Variants in IER3IP1 observed in about 807,000 individuals in gnomAD.
IER3IP1 encodes the protein immediate early response 3 interacting protein 1.
Under a neutral mutation model 12.2 loss-of-function variants are expected in IER3IP1, and 16 were observed. The ratio of observed to expected loss-of-function variants is 1.31; its 90% CI spans 0.89 to 1.99. The LOEUF (loss-of-function observed/expected upper bound fraction) is 1.99, where lower values mean the gene tolerates loss of function less well. IER3IP1 is among the 30% of genes most tolerant of loss of function. The pLI is 0.00. For missense variants in IER3IP1, 95 were observed against 95.8 expected (o/e 0.99, Z 0.03); for synonymous variants, 42 against 40.0 (o/e 1.05, Z -0.19).
At chr18:47,169,090 C>T (rs748621481) in intron 1 of IER3IP1, among the ~76,000 whole-genome samples, 18 of 152,202 alleles carry the variant, frequency 1.2e-4, no homozygotes, top group Admixed American at 3.3e-4. Context: ...CTCAGGCCCT[C>T]CAGCACCAAG....
rs74679561 is a variant in IER3IP1, at chr18:47,173,217, T to A, written c.91+2970A>T. Among the ~76,000 whole-genome samples the A allele has an allele frequency of 4.3e-3, 654 of 152,272 alleles. 15 individuals carry two copies. In the East Asian group the frequency reaches 0.054, roughly 12 times the overall value. On this transcript the variant is annotated intron_variant, in intron 1 of 2. Transcript: ENST00000256433. ...CTTACCTAGCACCATCACCCCAAAT[T>A]TTCCTCCAATACTGTTTAACTCAGT...
intron 1 of IER3IP1, among the ~76,000 whole-genome samples, chr18:47,162,928 T>C (rs2063984352): frequency 6.6e-6 from 1 of 152,044 alleles, no homozygotes; most frequent in Admixed American, 6.6e-5. Context: ...GCAATATTCA[T>C]AGTGATAATG....
intron 1 of IER3IP1, among the ~76,000 whole-genome samples, chr18:47,175,018 T>A (rs1017787747): frequency 6.6e-6 from 1 of 152,240 alleles, no homozygotes; most frequent in Non-Finnish European, 1.5e-5. Flanking sequence ...ATTTGTTTAG[T>A]TTTTATTTAG....
chr18:47,157,733 C>T (rs918439265), intron 1 of IER3IP1, among the ~76,000 whole-genome samples, 196 bp from the exon 2 acceptor site: 1 of 152,190 alleles, frequency 6.6e-6, no homozygotes, highest in Admixed American at 6.6e-5. Flanking sequence ...ACCCTCATTT[C>T]ACTACATTTA....
At chr18:47,162,585 G>A (rs1399126276) in intron 1 of IER3IP1, among the ~76,000 whole-genome samples, 2 of 151,668 alleles carry the variant, frequency 1.3e-5, no homozygotes, top group South Asian at 2.1e-4. Context: ...CAAAAACAGG[G>A]GTTGAAAGAT....
chr18:47,176,110 C>G, intron 1 of IER3IP1, 77 bp downstream of exon 1: 1 of 1,204,324 alleles, frequency 8.3e-7, no homozygotes, highest in African/African-American at 1.5e-5. Context: ...TTGGTGTCCC[C>G]TCACGCGGCC....
chr18:47,169,349 TTG>T (rs1212103783), intron 1 of IER3IP1, among the ~76,000 whole-genome samples: 1 of 152,204 alleles, frequency 6.6e-6, no homozygotes. Context: ...GACATCTGGG[TTG>T]TTTCCATTTT....
chr18:47,162,709 A>G (rs2063983605), intron 1 of IER3IP1, among the ~76,000 whole-genome samples: 1 of 152,194 alleles, frequency 6.6e-6, no homozygotes, highest in Non-Finnish European at 1.5e-5. Context: ...TTATTGAAGA[A>G]ATAATAAGTG....
chr18:47,157,435 C>A lies in IER3IP1; in HGVS notation c.193+1G>T. ...AATGCTCTATTAGCTTTTCTTCTTA[C>A]CTCTCATCACGGTTCTTACAGATCG... On this transcript the variant is annotated splice_donor_variant, in intron 2 of 2. Coordinates refer to ENST00000256433, the MANE Select transcript of IER3IP1 (RefSeq NM_016097.5). LOFTEE classifies it high-confidence loss of function. 1 of 1,612,120 alleles carries A rather than the reference C, an allele frequency of 6.2e-7. No homozygotes were observed. The highest frequency in any genetic ancestry group is 8.5e-7 in the Non-Finnish European group (1 of 1,178,202).
At chr18:47,158,285 GA>G (rs1258576475) in intron 1 of IER3IP1, among the ~76,000 whole-genome samples, 1 of 152,092 alleles carries the variant, frequency 6.6e-6, no homozygotes, top group Non-Finnish European at 1.5e-5. Flanking sequence ...AAAGTGCTGG[GA>G]TTACACAAGT....
rs2063956264 is a variant in IER3IP1, at chr18:47,155,707, A to C, written c.*470T>G. 1 of 152,728 alleles carries C rather than the reference A, an allele frequency of 6.5e-6. No individual in the cohort carries two copies. The highest frequency in any genetic ancestry group is 1.5e-5 in the Non-Finnish European group (1 of 68,384). 9.5% of individuals were successfully genotyped at this position (152,728 alleles called of 1,614,324 possible). ...CAAGGAGCTTAAAATAAAATTATTC[A>C]AATTACCTATTTATCATTTTATGTG... On this transcript the variant is annotated 3_prime_UTR_variant, in exon 3 of 3. Transcript: ENST00000256433.
Position 47,153,729 on chromosome 18 carries a change from C to A in IER3IP1, c.*2448G>T, listed in dbSNP as rs2063948985. 1 of 152,028 alleles carries A rather than the reference C, an allele frequency of 6.6e-6. No homozygotes were observed. The highest frequency in any genetic ancestry group is 2.4e-5 in the African/African-American group (1 of 41,376). 9.4% of individuals were successfully genotyped at this position (152,028 alleles called of 1,614,324 possible). A position where few individuals can be genotyped will look rare whatever the true frequency, so the allele number is the denominator to read the frequency against. ...TTCCCACAGAAGGTATTATCTAATT[C>A]TTTTTTATGGCTAAAGCAGGGATTT... is the stretch of plus-strand genomic sequence containing the variant. On this transcript the variant is annotated 3_prime_UTR_variant, in exon 3 of 3. Coordinates refer to ENST00000256433, the MANE Select transcript of IER3IP1 (RefSeq NM_016097.5).
At position 47,156,015 on chromosome 18, in the gene IER3IP1, A is replaced by T. The variant is rs2144421146; in HGVS notation, c.*162T>A. 2.4e-5 allele frequency: 8 copies of T among 331,844 alleles called. No individual in the cohort carries two copies. In the East Asian group the frequency reaches 3.4e-4, roughly 14 times the overall value. The allele number at this position is 331,844 out of a possible 1,614,324, so 20.6% of individuals were successfully genotyped here. ...GTAATGAAACTACAAGTGCAACATT[A>T]AAAAAAAAAACAGATAAATAGAAAC... On this transcript the variant is annotated 3_prime_UTR_variant, in exon 3 of 3. Coordinates refer to ENST00000256433, the MANE Select transcript of IER3IP1 (RefSeq NM_016097.5).
At chr18:47,168,793 T>C (rs2064005624) in intron 1 of IER3IP1, among the ~76,000 whole-genome samples, 1 of 152,218 alleles carries the variant, frequency 6.6e-6, no homozygotes, top group Non-Finnish European at 1.5e-5. Context: ...TAGTTACTTC[T>C]GCCAAAAAGT....
In IER3IP1 at chr18:47,152,872, T is replaced by A. The variant is rs1266419444; in HGVS notation, c.*3305A>T. 1.3e-5 allele frequency: 2 copies of A among 152,244 alleles called. No homozygotes were observed. The allele number at this position is 152,244 out of a possible 1,614,324, so 9.4% of individuals were successfully genotyped here. On this transcript the variant is annotated 3_prime_UTR_variant, in exon 3 of 3. Transcript: ENST00000256433. ...AAACATTTTACTTAAGGAGAACATC[T>A]CTTTGGTTGAAGCACATCTAGATAC...
At chr18:47,161,526 T>TG (rs1207320531) in intron 1 of IER3IP1, among the ~76,000 whole-genome samples, 1 of 152,222 alleles carries the variant, frequency 6.6e-6, no homozygotes, top group Non-Finnish European at 1.5e-5. Flanking sequence ...GGTTAGATCT[T>TG]GCTACCTCGA....
chr18:47,171,607 G>T (rs765346771), intron 1 of IER3IP1, among the ~76,000 whole-genome samples: 17 of 152,116 alleles, frequency 1.1e-4, no homozygotes, highest in African/African-American at 3.9e-4. Context: ...TGTCAATTTT[G>T]TCAAGGAATC....
In IER3IP1 at chr18:47,156,489, G is replaced by C. The variant is rs140558164; in HGVS notation, c.194-257C>G. ...GATCAATGTGAAACATCTGTGGATA[G>C]TCCCGGTGCAACCCCAAGAACATGA... On this transcript the variant is annotated intron_variant, in intron 2 of 2. Transcript: ENST00000256433. 3.9e-3 allele frequency among the ~76,000 whole-genome samples: 592 copies of C among 152,252 alleles called. 1 individual carries two copies. Among genetic ancestry groups the C allele is most frequent in the African/African-American group, 0.013 (560 of 41,538 alleles).
intron 1 of IER3IP1, among the ~76,000 whole-genome samples, chr18:47,162,914 A>G (rs1342640899): frequency 6.6e-6 from 1 of 152,126 alleles, no homozygotes; most frequent in East Asian, 1.9e-4. Flanking sequence ...CCATTCAGCT[A>G]TGAGCAATAT....
Sources: allele counts gnomAD v4.1 joint callset (sites outside exome capture counted in the v4.1 genomes callset), GRCh38; gene constraint gnomAD v4.1.1; transcripts MANE v1.5; gene names NCBI Gene and HGNC (gene_info 2026-07-23, HGNC 2026-07-21).